RYR3: variants seen among roughly 807,000 people sequenced by gnomAD.
The protein encoded by RYR3 is brain ryanodine receptor-calcium release channel.
A neutral mutation model predicts 584.3 loss-of-function variants in RYR3; 207 were observed. The ratio of observed to expected loss-of-function variants is 0.35; its 90% CI spans 0.32 to 0.40. The LOEUF (loss-of-function observed/expected upper bound fraction) is 0.40. Ranked by LOEUF, RYR3 falls within the 10% of genes least tolerant of loss-of-function variation. The probability of loss-of-function intolerance (pLI) is 1.00; values close to 1 mark genes in which losing one functional copy is unlikely to be tolerated. For synonymous variants in RYR3, 2,416 were observed against 2,248.5 expected (o/e 1.07, Z -2.11); for missense variants, 5,616 against 6,089.2 (o/e 0.92, Z 2.59).
At chr15:33,619,082 C>T (rs1461430738) in intron 19 of RYR3, among the ~76,000 whole-genome samples, 1 of 152,184 alleles carries the variant, frequency 6.6e-6, no homozygotes, top group Non-Finnish European at 1.5e-5. Flanking sequence ...GAAGCTATTG[C>T]TCATCTATGA....
chr15:33,798,713 A>G, intron 67 of RYR3, among the ~76,000 whole-genome samples: 1 of 152,230 alleles, frequency 6.6e-6, no homozygotes, highest in East Asian at 1.9e-4. Context: ...TTACTATGGA[A>G]GAAGAGGAGA....
chr15:33,649,578 T>G (rs1202090994), intron 31 of RYR3, among the ~76,000 whole-genome samples: 1 of 152,174 alleles, frequency 6.6e-6, no homozygotes, highest in Non-Finnish European at 1.5e-5. Context: ...CTCTGGGTGC[T>G]TGAGAGAAGT....
At chr15:33,850,614 C>T (rs1236479335) in intron 94 of RYR3, 2 of 151,236 alleles carry the variant, frequency 1.3e-5, no homozygotes, top group East Asian at 1.9e-4. Context: ...TGTTTTGTAA[C>T]GTGCTTTTTT....
At chr15:33,765,584 G>C (rs902477727) in intron 60 of RYR3, among the ~76,000 whole-genome samples, 1 of 133,110 alleles carries the variant, frequency 7.5e-6, no homozygotes, top group African/African-American at 2.8e-5. Context: ...AGTGAGCCGA[G>C]ATGGCACCAC....
intron 1 of RYR3, among the ~76,000 whole-genome samples, chr15:33,464,027 T>C (rs1005202243): frequency 5.3e-5 from 8 of 152,138 alleles, no homozygotes; most frequent in African/African-American, 1.9e-4. Flanking sequence ...ATTCAGTGAC[T>C]CCGTAAGTGC....
At chr15:33,497,303 C>T (rs1437762410) in intron 2 of RYR3, among the ~76,000 whole-genome samples, 1 of 152,172 alleles carries the variant, frequency 6.6e-6, no homozygotes, top group African/African-American at 2.4e-5. Context: ...CATGGTCTTT[C>T]TGACACTTGC....
intron 15 of RYR3, 140 bp from the exon 16 acceptor site, chr15:33,585,858 G>T: frequency 6.7e-6 from 4 of 594,596 alleles, no homozygotes; most frequent in Admixed American, 3.1e-5. Flanking sequence ...TTTTTTTCTG[G>T]CTGGAAAGAT....
intron 1 of RYR3, among the ~76,000 whole-genome samples, chr15:33,339,787 G>A (rs1397937699): frequency 6.6e-6 from 1 of 151,914 alleles, no homozygotes; most frequent in Non-Finnish European, 1.5e-5. Flanking sequence ...TACTCGGGAG[G>A]CTGAGGCAGG....
At chr15:33,507,269 C>T (rs1268970835) in intron 3 of RYR3, among the ~76,000 whole-genome samples, 1 of 152,176 alleles carries the variant, frequency 6.6e-6, no homozygotes, top group Non-Finnish European at 1.5e-5. Context: ...CCTAATTTAA[C>T]AGCAAAGAGG....
intron 20 of RYR3, among the ~76,000 whole-genome samples, chr15:33,627,214 T>C (rs886064250): frequency 8.5e-5 from 13 of 152,106 alleles, no homozygotes; most frequent in Non-Finnish European, 1.5e-4. Context: ...TCAAAAGAAA[T>C]GAGAAATCTG....
At chr15:33,556,631 A>G (rs527648511) in intron 10 of RYR3, among the ~76,000 whole-genome samples, 10 of 152,244 alleles carry the variant, frequency 6.6e-5, no homozygotes, top group Non-Finnish European at 1.5e-4. Flanking sequence ...GTCTGTTAAC[A>G]ATATGAGCTT....
At chr15:33,500,217 A>G (rs946402880) in intron 2 of RYR3, among the ~76,000 whole-genome samples, 1 of 152,222 alleles carries the variant, frequency 6.6e-6, no homozygotes, top group Non-Finnish European at 1.5e-5. Flanking sequence ...ACTGCAGTTA[A>G]CAGTACAACG....
At chr15:33,818,461 T>C (rs1385946138) in intron 75 of RYR3, 117 bp from the exon 76 acceptor site, 1 of 697,120 alleles carries the variant, frequency 1.4e-6, no homozygotes, top group African/African-American at 1.8e-5. Context: ...GGTTTTGTTT[T>C]GTGCTTTAGT....
chr15:33,554,983 A>G (rs2056971671), intron 10 of RYR3, among the ~76,000 whole-genome samples: 6 of 152,324 alleles, frequency 3.9e-5, no homozygotes, highest in East Asian at 1.9e-4. Flanking sequence ...TGACTACACC[A>G]TACATCTTGA....
At chr15:33,646,583 C>A in intron 29 of RYR3, 57 bp downstream of exon 29, 2 of 1,483,812 alleles carry the variant, frequency 1.3e-6, no homozygotes, top group Non-Finnish European at 1.8e-6. Context: ...GTAAAGTGGG[C>A]TTTCTGCTTT....
At chr15:33,419,122 A>G (rs747333828) in intron 1 of RYR3, among the ~76,000 whole-genome samples, 10 of 152,228 alleles carry the variant, frequency 6.6e-5, no homozygotes, top group Admixed American at 5.9e-4. Flanking sequence ...GATTAGAGAT[A>G]TAAAAGCGAG....
At chr15:33,608,031 C>G (rs2059992790) in intron 18 of RYR3, among the ~76,000 whole-genome samples, 1 of 152,180 alleles carries the variant, frequency 6.6e-6, no homozygotes, top group South Asian at 2.1e-4. Context: ...CAGTCTGGTT[C>G]CAGAAACCCC....
rs542175201 is a variant in RYR3, at chr15:33,495,963, T to C, written c.172-7668T>C. On this transcript the variant is annotated intron_variant, in intron 2 of 103. Coordinates refer to ENST00000634891, the MANE Select transcript of RYR3 (RefSeq NM_001036.6). ...TTTGCTGTAGGTTGATGAGATAATG[T>C]CTTTAAAGTGCTCAAAGGTCCTGAA... Among the ~76,000 whole-genome samples the C allele has an allele frequency of 3.5e-4, 54 of 152,290 alleles. 1 individual carries two copies. In the South Asian group the frequency reaches 0.011, roughly 32 times the overall value.
At chr15:33,688,224 AAC>A (rs954994761) in intron 38 of RYR3, among the ~76,000 whole-genome samples, 1 of 152,170 alleles carries the variant, frequency 6.6e-6, no homozygotes, top group African/African-American at 2.4e-5. Flanking sequence ...CAAGAAAAAA[AAC>A]AACCCCATCA....
Sources: allele counts gnomAD v4.1 joint callset (sites outside exome capture counted in the v4.1 genomes callset), GRCh38; gene constraint gnomAD v4.1.1; transcripts MANE v1.5; gene names NCBI Gene and HGNC (gene_info 2026-07-23, HGNC 2026-07-21).